UACA: variants seen among roughly 807,000 people sequenced by gnomAD.
The protein encoded by UACA is nuclear membrane binding protein.
Under a neutral mutation model 160.5 loss-of-function variants are expected in UACA, and 112 were observed. The ratio of observed to expected loss-of-function variants is 0.70; its 90% CI spans 0.60 to 0.82. UACA has a LOEUF of 0.82. Among genes scored for constraint, UACA ranks in the 40% least tolerant of loss-of-function variants. The pLI, the probability that UACA is intolerant of heterozygous loss-of-function variation, is 0.00. For missense variants in UACA, 1,574 were observed against 1,614.6 expected (o/e 0.97, Z 0.43); for synonymous variants, 557 against 568.4 (o/e 0.98, Z 0.29).
the UACA span, among the ~76,000 whole-genome samples, chr15:70,777,436 C>T: frequency 2.0e-5 from 3 of 151,814 alleles, no homozygotes; most frequent in Non-Finnish European, 4.4e-5. Context: ...GGTCACCAAA[C>T]GAGGAAATAT....
intron 1 of UACA, among the ~76,000 whole-genome samples, chr15:70,752,651 T>A (rs1029014201): frequency 6.6e-6 from 1 of 152,118 alleles, no homozygotes; most frequent in African/African-American, 2.4e-5. Context: ...GATTTTTTTT[T>A]TAAAATGATT....
intron 17 of UACA, among the ~76,000 whole-genome samples, chr15:70,662,206 A>C (rs1025970430): frequency 6.6e-6 from 1 of 152,216 alleles, no homozygotes; most frequent in African/African-American, 2.4e-5. Flanking sequence ...AAGCATTCTT[A>C]TACACCAATA....
intron 1 of UACA, among the ~76,000 whole-genome samples, chr15:70,744,195 G>A (rs1899625699): frequency 6.9e-6 from 1 of 145,174 alleles, no homozygotes; most frequent in Admixed American, 7.0e-5. Context: ...TTTGCAGTGA[G>A]TTGAGATTAC....
intron 1 of UACA, among the ~76,000 whole-genome samples, chr15:70,740,763 C>T (rs534768718): frequency 1.8e-4 from 27 of 152,074 alleles, no homozygotes; most frequent in African/African-American, 3.1e-4. Flanking sequence ...CTGGGCTGGC[C>T]GGGCGCGGTG....
intron 1 of UACA, among the ~76,000 whole-genome samples, chr15:70,742,737 G>A (rs1899576831): frequency 6.6e-6 from 1 of 152,046 alleles, no homozygotes; most frequent in South Asian, 2.1e-4. Context: ...TTATCAGGTT[G>A]TACCTATAAT....
intron 18 of UACA, among the ~76,000 whole-genome samples, chr15:70,658,465 C>G (rs1489412880): frequency 6.6e-6 from 1 of 152,088 alleles, no homozygotes; most frequent in Non-Finnish European, 1.5e-5. Context: ...TGCCCATTTC[C>G]CATACACTCT....
chr15:70,669,120 C>T lies in UACA; in HGVS notation c.1564G>A (p.Ala522Thr). ...KVKQMQTHFL[A>T]LKEHLTSEAA... Reference sequence around the variant, plus strand: ...TCACTTGTTAAGTGTTCTTTAAGGGCAAGAAAATGGGTCTGCATTTGTTTA... The same window carrying T: ...TCACTTGTTAAGTGTTCTTTAAGGGTAAGAAAATGGGTCTGCATTTGTTTA... The change falls in exon 16 of 19, where the codon GCC becomes ACC. Residue 522 changes from alanine (A) to threonine (T), a missense_variant. Physicochemically the swap from Ala to Thr is moderately conservative, Grantham distance 58. Transcript: ENST00000322954. The T allele has an allele frequency of 6.2e-7, 1 of 1,614,058 alleles. No individual in the cohort carries two copies. Among genetic ancestry groups the T allele is most frequent in the Non-Finnish European group, 8.5e-7 (1 of 1,179,998 alleles).
chr15:70,707,477 A>G (rs1393934387), intron 1 of UACA, among the ~76,000 whole-genome samples: 2 of 152,218 alleles, frequency 1.3e-5, no homozygotes, highest in Non-Finnish European at 2.9e-5. Flanking sequence ...AACAGAATAA[A>G]AAGGCAACCT....
chr15:70,668,433 CACTT>C lies in UACA; in HGVS notation c.2247_2250del (p.Ser750LysfsTer3). The C allele has an allele frequency of 6.2e-7, 1 of 1,612,002 alleles. No homozygotes were observed. Among genetic ancestry groups the C allele is most frequent in the Non-Finnish European group, 8.5e-7 (1 of 1,179,772 alleles). On this transcript the variant is annotated frameshift_variant, in exon 16 of 19. Coordinates refer to ENST00000322954, the MANE Select transcript of UACA (RefSeq NM_018003.4). LOFTEE classifies it high-confidence loss of function. ...GCATCATGTGACTTTTTCATGTCTT[CACTT>C]ACTTTTAAAGGAACATAATGATTTT... is the stretch of plus-strand genomic sequence containing the variant.
the UACA span, among the ~76,000 whole-genome samples, chr15:70,777,532 A>G: frequency 1.2e-3 from 176 of 152,344 alleles, 3 homozygotes; most frequent in Admixed American, 5.9e-3. Flanking sequence ...AAAGTGCCAT[A>G]CAACGAAGAA....
chr15:70,747,216 G>C (rs1899733089), intron 1 of UACA, among the ~76,000 whole-genome samples: 1 of 148,628 alleles, frequency 6.7e-6, no homozygotes. Context: ...ACTTTGTGCA[G>C]AAACGAATGG....
chr15:70,728,968 A>C (rs994809317), intron 1 of UACA, among the ~76,000 whole-genome samples: 5 of 152,218 alleles, frequency 3.3e-5, no homozygotes, highest in Admixed American at 1.3e-4. Flanking sequence ...AGAAATGCAA[A>C]TCAAAAACTG....
At chr15:70,729,102 T>C (rs572616173) in intron 1 of UACA, among the ~76,000 whole-genome samples, 1 of 152,316 alleles carries the variant, frequency 6.6e-6, no homozygotes, top group South Asian at 2.1e-4. Flanking sequence ...TGTAAATTAG[T>C]TCAGCCACTG....
intron 2 of UACA, among the ~76,000 whole-genome samples, chr15:70,698,003 T>C (rs778314868): frequency 3.3e-5 from 5 of 152,092 alleles, no homozygotes; most frequent in Admixed American, 1.3e-4. Flanking sequence ...TGAGCCAAGA[T>C]TGTGCCATTG....
chr15:70,740,572 G>C (rs979634542), intron 1 of UACA, among the ~76,000 whole-genome samples: 1 of 147,434 alleles, frequency 6.8e-6, no homozygotes, highest in African/African-American at 2.5e-5. Flanking sequence ...AGGAGGTCAA[G>C]GCTACAGTGA....
At chr15:70,680,024 G>C in intron 9 of UACA, 1 of 115,562 alleles carries the variant, frequency 8.7e-6, no homozygotes, top group Non-Finnish European at 1.8e-5. Context: ...ACTACTAAAA[G>C]AACTCAACTT....
intron 1 of UACA, among the ~76,000 whole-genome samples, chr15:70,759,105 G>A (rs2030595124): frequency 6.6e-6 from 1 of 152,096 alleles, no homozygotes; most frequent in South Asian, 2.1e-4. Context: ...GAACTCCTGG[G>A]CTCAAGCAAT....
chr15:70,669,449 C>A lies in UACA; in HGVS notation c.1235G>T (p.Gly412Val), dbSNP rs760715088. 20 of 1,570,620 alleles carry A rather than the reference C, an allele frequency of 1.3e-5. No homozygotes were observed. The East Asian group carries it at 4.1e-4, about 32-fold the overall frequency. The stretch of plus-strand genomic sequence containing the variant: ...TCTGCTTTGCATATGGGCTGGTATA[C>A]CTGGGGAAGTACACTGAAAAGAAAA... ...YMADSQCTSP[G>V]IPAHMQSRSM... Residue 412 changes from glycine to valine, a missense_variant, in exon 16 of 19, where the codon GGT becomes GTT. Physicochemically the swap from Gly to Val is moderately radical, Grantham distance 109. Coordinates refer to ENST00000322954, the MANE Select transcript of UACA (RefSeq NM_018003.4).
intron 9 of UACA, chr15:70,681,652 T>C (rs1394647129): frequency 2.0e-5 from 3 of 152,200 alleles, no homozygotes; most frequent in Non-Finnish European, 4.4e-5. Context: ...TTTTTCACTC[T>C]ACTCACACTT....
Sources: allele counts gnomAD v4.1 joint callset (sites outside exome capture counted in the v4.1 genomes callset), GRCh38; gene constraint gnomAD v4.1.1; transcripts MANE v1.5; gene names NCBI Gene and HGNC (gene_info 2026-07-23, HGNC 2026-07-21).